MERTK: variants seen among roughly 807,000 people sequenced by gnomAD.
MERTK encodes MER proto-oncogene, tyrosine kinase, also known as tyrosine-protein kinase Mer.
MERTK carries 69 observed loss-of-function variants against 99.3 expected under a neutral mutation model. That is an observed-to-expected ratio of 0.70 (90% CI 0.57 to 0.85). MERTK has a LOEUF of 0.85. Ranked by LOEUF, MERTK falls within the 40% of genes least tolerant of loss-of-function variation. The probability of loss-of-function intolerance (pLI) is 0.00; values close to 1 mark genes in which losing one functional copy is unlikely to be tolerated. For synonymous variants in MERTK, 426 were observed against 467.6 expected, an observed-to-expected ratio of 0.91 and a Z score of 1.15; for missense variants, 1,125 against 1,249.4, an observed-to-expected ratio of 0.90 and a Z score of 1.50.
chr2:112,022,277 T>C lies in MERTK; in HGVS notation c.2369T>C (p.Met790Thr), dbSNP rs1677367496. 7.4e-6 allele frequency: 12 copies of C among 1,614,184 alleles called. No homozygotes were observed. The highest frequency in any genetic ancestry group is 2.2e-5 in the East Asian group (1 of 44,888). Reference sequence around the variant, plus strand: ...TCCCAGTGGGCATTTGGCGTGACCATGTGGGAAATAGCTACGCGGGGAATG... The same window carrying C: ...TCCCAGTGGGCATTTGGCGTGACCACGTGGGAAATAGCTACGCGGGGAATG... ...KSDVWAFGVTMWEIATRGMTP... is the reference protein window; with the variant it reads ...KSDVWAFGVTTWEIATRGMTP... Residue 790 changes from methionine to threonine, a missense_variant, in exon 18 of 19, where the codon ATG (methionine) becomes ACG (threonine). Transcript: ENST00000295408.
At chr2:111,988,387 C>G (rs1676531505) in intron 8 of MERTK, among the ~76,000 whole-genome samples, 1 of 152,166 alleles carries the variant, frequency 6.6e-6, no homozygotes, top group Non-Finnish European at 1.5e-5. Flanking sequence ...AGAAACTTAA[C>G]ATGGAGGTAA....
chr2:111,967,951 T>C (rs973647495), intron 5 of MERTK, among the ~76,000 whole-genome samples, 186 bp from the exon 6 acceptor site: 4 of 152,186 alleles, frequency 2.6e-5, no homozygotes, highest in Non-Finnish European at 2.9e-5. Context: ...GGAAGACTTC[T>C]TTGGCCCATC....
intron 2 of MERTK, among the ~76,000 whole-genome samples, chr2:111,932,350 T>C (rs2104690001): frequency 6.6e-6 from 1 of 151,970 alleles, no homozygotes; most frequent in South Asian, 2.1e-4. Context: ...CCCAGCTAAG[T>C]TTTTGTATTT....
chr2:111,943,484 A>C (rs1684901264), intron 2 of MERTK, among the ~76,000 whole-genome samples: 1 of 152,064 alleles, frequency 6.6e-6, no homozygotes, highest in Non-Finnish European at 1.5e-5. Flanking sequence ...GGCTGCAGTG[A>C]GCCATGATGG....
At chr2:111,908,462 A>C (rs771904852) in intron 1 of MERTK, among the ~76,000 whole-genome samples, 1 of 152,174 alleles carries the variant, frequency 6.6e-6, no homozygotes, top group African/African-American at 2.4e-5. Flanking sequence ...TCCTCTCTCC[A>C]GTGTCATCCC....
intron 4 of MERTK, among the ~76,000 whole-genome samples, chr2:111,952,977 A>G (rs771626804): frequency 4.6e-5 from 7 of 152,248 alleles, no homozygotes; most frequent in Admixed American, 1.3e-4. Flanking sequence ...GCCTGTTTCC[A>G]TGAGACCAGG....
intron 2 of MERTK, among the ~76,000 whole-genome samples, chr2:111,939,596 T>C (rs1028338736): frequency 1.3e-5 from 2 of 151,862 alleles, no homozygotes; most frequent in African/African-American, 2.4e-5. Context: ...TCCTCCCATC[T>C]TAGCCTCCCA....
At chr2:111,929,752 A>G (rs1326221800) in intron 2 of MERTK, among the ~76,000 whole-genome samples, 3 of 97,686 alleles carry the variant, frequency 3.1e-5, no homozygotes, top group Non-Finnish European at 4.5e-5. Flanking sequence ...ACACCCAGCT[A>G]ATTTTTTTTT....
At chr2:111,986,393 T>G (rs1242371122) in intron 8 of MERTK, among the ~76,000 whole-genome samples, 4 of 152,144 alleles carry the variant, frequency 2.6e-5, no homozygotes, top group African/African-American at 9.7e-5. Context: ...AGCATAAAGG[T>G]TCAGTAGGAA....
chr2:111,926,021 T>C (rs960914369), intron 1 of MERTK, among the ~76,000 whole-genome samples: 2 of 151,520 alleles, frequency 1.3e-5, no homozygotes, highest in Non-Finnish European at 2.9e-5. Flanking sequence ...TTAGTAGAGA[T>C]GGGGTTTCAC....
Position 111,987,653 on chromosome 2 carries a change from C to T in MERTK, c.1296+4660C>T, listed in dbSNP as rs369424812. Among the ~76,000 whole-genome samples, 154 of 152,252 alleles carry T rather than the reference C, an allele frequency of 1.0e-3. 1 individual carries two copies. Among genetic ancestry groups the T allele is most frequent in the African/African-American group, 3.5e-3 (147 of 41,526 alleles). Reference sequence around the variant, plus strand: ...GTATTTCCCAACCCACCCTCATTCCCGTAAAGTGTCAGTGGATCTTCTGTG... The same window carrying T: ...GTATTTCCCAACCCACCCTCATTCCTGTAAAGTGTCAGTGGATCTTCTGTG... On this transcript the variant is annotated intron_variant, in intron 8 of 18. Transcript: ENST00000295408.
chr2:111,928,466 C>G (rs998577860), intron 1 of MERTK, among the ~76,000 whole-genome samples: 2 of 150,956 alleles, frequency 1.3e-5, no homozygotes, highest in African/African-American at 4.9e-5. Flanking sequence ...GCAGCATAGT[C>G]TCTGACAGAG....
chr2:111,958,697 G>A (rs976985044), intron 4 of MERTK, among the ~76,000 whole-genome samples: 1 of 152,110 alleles, frequency 6.6e-6, no homozygotes, highest in African/African-American at 2.4e-5. Flanking sequence ...GAAACACACA[G>A]GAGAAATGAC....
At position 111,997,487 on chromosome 2, in the gene MERTK, C is replaced by T. The variant is rs1309992804; in HGVS notation, c.1604+11C>T. On this transcript the variant is annotated intron_variant, in intron 10 of 18. Coordinates refer to ENST00000295408, the MANE Select transcript of MERTK (RefSeq NM_006343.3). ...GGAGACAAAGTTTGGGTAAGTCTCC[C>T]AGCTAAAAATGTTTGCCCACTGGTA... 1.2e-6 allele frequency: 2 copies of T among 1,612,768 alleles called. No homozygotes were observed. Among genetic ancestry groups the T allele is most frequent in the Non-Finnish European group, 1.7e-6 (2 of 1,179,938 alleles).
At chr2:111,900,731 C>A (rs553029989) in intron 1 of MERTK, among the ~76,000 whole-genome samples, 1 of 152,140 alleles carries the variant, frequency 6.6e-6, no homozygotes, top group African/African-American at 2.4e-5. Flanking sequence ...TGAACTTTAC[C>A]TATGAGATGT....
At chr2:111,943,269 GTTTTTCTTC>G (rs955916451) in intron 2 of MERTK, among the ~76,000 whole-genome samples, 161 of 152,326 alleles carry the variant, frequency 1.1e-3, no homozygotes, top group African/African-American at 3.8e-3. Context: ...GAACTTCCAT[GTTTTTCTTC>G]TTTTTCTTCG....
chr2:111,899,551 C>A (rs1054806731), intron 1 of MERTK, among the ~76,000 whole-genome samples: 1 of 151,968 alleles, frequency 6.6e-6, no homozygotes, highest in African/African-American at 2.4e-5. Flanking sequence ...CGAGTCTCGC[C>A]CTGTCGCCCA....
chr2:111,989,263 C>T (rs981072227), intron 8 of MERTK, among the ~76,000 whole-genome samples: 1 of 152,102 alleles, frequency 6.6e-6, no homozygotes, highest in African/African-American at 2.4e-5. Context: ...GAACGAGTCA[C>T]CTTTGTTGTT....
At chr2:112,027,167 A>G (rs1395760619) in intron 18 of MERTK, among the ~76,000 whole-genome samples, 2 of 150,536 alleles carry the variant, frequency 1.3e-5, no homozygotes, top group Non-Finnish European at 3.0e-5. Flanking sequence ...AAAATTTTAT[A>G]TATATATATA....
Sources: allele counts gnomAD v4.1 joint callset (sites outside exome capture counted in the v4.1 genomes callset), GRCh38; gene constraint gnomAD v4.1.1; transcripts MANE v1.5; gene names NCBI Gene and HGNC (gene_info 2026-07-23, HGNC 2026-07-21).